Variants in WDR35 observed in about 807,000 individuals in gnomAD.
WDR35 encodes WD repeat domain 35, also known as WD repeat-containing protein 35.
Under a neutral mutation model 158.3 loss-of-function variants are expected in WDR35, and 118 were observed. The ratio of observed to expected loss-of-function variants is 0.75; its 90% confidence interval spans 0.64 to 0.87. The LOEUF is 0.87. Ranked by LOEUF, WDR35 falls within the 40% of genes least tolerant of loss-of-function variation. The pLI, the probability that WDR35 is intolerant of heterozygous loss-of-function variation, is 0.00. For missense variants in WDR35, 1,263 were observed against 1,405.8 expected (o/e 0.90, Z 1.62); for synonymous variants, 448 against 476.1 (o/e 0.94, Z 0.77).
In WDR35 at chr2:19,911,196, C is replaced by T. The variant is rs1172891805; in HGVS notation, c.*2362G>A. On this transcript the variant is annotated 3_prime_UTR_variant, in exon 27 of 27. Transcript: ENST00000281405. ...AGTTAGGTGAAGTCTGAGGAGTCAA[C>T]AGGTGATTCTAGAACTAAAGCAAAT... 1.3e-5 allele frequency: 2 copies of T among 152,198 alleles called. No individual in the cohort carries two copies. Among genetic ancestry groups the T allele is most frequent in the African/African-American group, 4.8e-5 (2 of 41,434 alleles). 9.4% of individuals were successfully genotyped at this position (152,198 alleles called of 1,614,324 possible). A position where few individuals can be genotyped will look rare whatever the true frequency, so the allele number is the denominator to read the frequency against.
chr2:19,966,935 G>C, intron 9 of WDR35, 26 bp from the exon 10 acceptor site: 1 of 1,606,790 alleles, frequency 6.2e-7, no homozygotes, highest in East Asian at 2.2e-5. Context: ...GGAGGAAAGG[G>C]AAGGAGATTG....
intron 10 of WDR35, among the ~76,000 whole-genome samples, chr2:19,965,571 T>C (rs760019490): frequency 5.9e-5 from 9 of 152,188 alleles, no homozygotes; most frequent in African/African-American, 1.7e-4. Context: ...GGGAACCAAA[T>C]AGGAAAAGAA....
chr2:19,921,607 C>T (rs1670170344), intron 25 of WDR35, among the ~76,000 whole-genome samples: 1 of 152,136 alleles, frequency 6.6e-6, no homozygotes, highest in African/African-American at 2.4e-5. Context: ...AAACGTAAGA[C>T]CTAAAACCAT....
At chr2:19,923,369 G>A (rs1007438462) in intron 25 of WDR35, among the ~76,000 whole-genome samples, 3 of 152,150 alleles carry the variant, frequency 2.0e-5, no homozygotes, top group Non-Finnish European at 2.9e-5. Context: ...AGCAATCCCC[G>A]TAGTGAGTAA....
chr2:19,971,410 G>T (rs1672030417), intron 8 of WDR35, among the ~76,000 whole-genome samples: 1 of 152,174 alleles, frequency 6.6e-6, no homozygotes, highest in Non-Finnish European at 1.5e-5. Flanking sequence ...GTCCCCTCTT[G>T]TCTCTCTGTT....
Position 19,939,610 on chromosome 2 carries a change from T to C in WDR35, c.1927-1209A>G, listed in dbSNP as rs188153707. Among the ~76,000 whole-genome samples, 299 of 152,286 alleles carry C rather than the reference T, an allele frequency of 2.0e-3. 1 individual carries two copies. The highest frequency in any genetic ancestry group is 6.8e-3 in the African/African-American group (281 of 41,566). ...TGTTCATCTATCTAAATCTATCAAA[T>C]CCATATTTCCATATATAACTTGCAG... is the stretch of plus-strand genomic sequence containing the variant. On this transcript the variant is annotated intron_variant, in intron 17 of 26. Coordinates refer to ENST00000281405, the MANE Select transcript of WDR35 (RefSeq NM_020779.4).
At chr2:19,987,603 C>A (rs1672609997) in intron 2 of WDR35, among the ~76,000 whole-genome samples, 1 of 151,928 alleles carries the variant, frequency 6.6e-6, no homozygotes, top group African/African-American at 2.4e-5. Context: ...GTGGGTAGAT[C>A]ACGAGGTCAG....
chr2:19,927,955 C>G (rs990757745), intron 25 of WDR35, among the ~76,000 whole-genome samples: 2 of 152,234 alleles, frequency 1.3e-5, no homozygotes, highest in African/African-American at 4.8e-5. Context: ...CATGACAAAG[C>G]TGTCCTTGCC....
chr2:19,955,976 A>C lies in WDR35; in HGVS notation c.1256-1998T>G, dbSNP rs547755977. Among the ~76,000 whole-genome samples, 3 of 152,146 alleles carry C rather than the reference A, an allele frequency of 2.0e-5. No individual in the cohort carries two copies. The East Asian group carries it at 5.8e-4, about 29-fold the overall frequency. Reference sequence around the variant, plus strand: ...TCATTCAAAATGTGTACTATTACCAACCTCTGGAGGGAGCTCAAAGCCTTT... The same window carrying C: ...TCATTCAAAATGTGTACTATTACCACCCTCTGGAGGGAGCTCAAAGCCTTT... On this transcript the variant is annotated intron_variant, in intron 11 of 26. Coordinates refer to ENST00000281405, the MANE Select transcript of WDR35 (RefSeq NM_020779.4).
At position 19,974,548 on chromosome 2, in the gene WDR35, T is replaced by C; in HGVS notation, c.656A>G (p.Tyr219Cys). Residue 219 changes from tyrosine (Y) to cysteine (C), a missense_variant, in exon 7 of 27, where the codon TAC becomes TGC. Coordinates refer to ENST00000281405, the MANE Select transcript of WDR35 (RefSeq NM_020779.4). ...AAGGCAAGGGCAATCAGGCTCCACG[T>C]AGCCTTCTGTGCCATGGTACCAATG... ...GIHWYHGTEGYVEPDCPCLAV... is the reference protein window; with the variant it reads ...GIHWYHGTEGCVEPDCPCLAV... The C allele has an allele frequency of 1.2e-6, 2 of 1,613,466 alleles. No homozygotes were observed. The highest frequency in any genetic ancestry group is 1.1e-5 in the South Asian group (1 of 90,916).
intron 11 of WDR35, among the ~76,000 whole-genome samples, chr2:19,959,051 T>G (rs994048079): frequency 2.6e-5 from 4 of 152,086 alleles, no homozygotes; most frequent in Non-Finnish European, 5.9e-5. Flanking sequence ...AAAAGAAATT[T>G]TACAGGATAT....
At chr2:19,962,749 A>T (rs529687482) in intron 10 of WDR35, among the ~76,000 whole-genome samples, 2 of 152,326 alleles carry the variant, frequency 1.3e-5, no homozygotes, top group East Asian at 3.9e-4. Context: ...AAAAGAACTC[A>T]TTGAATTAAT....
chr2:19,946,695 T>C, intron 14 of WDR35, 125 bp from the exon 15 acceptor site: 5 of 824,918 alleles, frequency 6.1e-6, no homozygotes, highest in Non-Finnish European at 1.0e-5. Flanking sequence ...AATTCTCAAT[T>C]CTGATAATGA....
At chr2:19,947,077 T>G (rs1671083102) in intron 14 of WDR35, among the ~76,000 whole-genome samples, 1 of 152,230 alleles carries the variant, frequency 6.6e-6, no homozygotes, top group South Asian at 2.1e-4. Flanking sequence ...AGGGATACTA[T>G]GAATATTAGT....
chr2:19,928,112 A>G (rs1402007292), intron 25 of WDR35, among the ~76,000 whole-genome samples: 1 of 152,232 alleles, frequency 6.6e-6, no homozygotes, highest in Non-Finnish European at 1.5e-5. Flanking sequence ...CCCACTCTGG[A>G]AGGTTGTGGT....
In WDR35 at chr2:19,910,687, C is replaced by T. The variant is rs1247973678; in HGVS notation, c.*2871G>A. Reference sequence around the variant, plus strand: ...TCACCAGGTAATTGTTTTTTATGGTCAGTTTTGCTTTTCTTTGTCCCCCTA... The same window carrying T: ...TCACCAGGTAATTGTTTTTTATGGTTAGTTTTGCTTTTCTTTGTCCCCCTA... On this transcript the variant is annotated 3_prime_UTR_variant, in exon 27 of 27. Coordinates refer to ENST00000281405, the MANE Select transcript of WDR35 (RefSeq NM_020779.4). 1.3e-5 allele frequency: 2 copies of T among 152,166 alleles called. No homozygotes were observed. The highest frequency in any genetic ancestry group is 2.9e-5 in the Non-Finnish European group (2 of 68,030). 9.4% of individuals were successfully genotyped at this position (152,166 alleles called of 1,614,324 possible). A position where few individuals can be genotyped will look rare whatever the true frequency, so the allele number is the denominator to read the frequency against.
chr2:19,957,445 GATAC>G (rs1292353311), intron 11 of WDR35, among the ~76,000 whole-genome samples: 1 of 152,012 alleles, frequency 6.6e-6, no homozygotes, highest in Non-Finnish European at 1.5e-5. Flanking sequence ...AATCTTAACA[GATAC>G]AATGTTTTAG....
chr2:19,967,516 C>T (rs1671896421), intron 9 of WDR35, among the ~76,000 whole-genome samples: 2 of 152,030 alleles, frequency 1.3e-5, no homozygotes, highest in Non-Finnish European at 2.9e-5. Flanking sequence ...GGAACTTACA[C>T]ACTTACAGCT....
At chr2:19,961,146 T>G (rs1671636922) in intron 10 of WDR35, among the ~76,000 whole-genome samples, 1 of 152,038 alleles carries the variant, frequency 6.6e-6, no homozygotes, top group Non-Finnish European at 1.5e-5. Context: ...GCAGCTTGGG[T>G]GGAAGAATGG....
Sources: gnomAD v4.1 joint callset for allele counts (sites outside exome capture counted in the v4.1 genomes callset) on GRCh38, gnomAD v4.1.1 for gene constraint, MANE v1.5 for transcripts, NCBI Gene and HGNC (gene_info 2026-07-23, HGNC 2026-07-21) for gene names.